PCDHA3: variants seen among roughly 807,000 people sequenced by gnomAD.
The protein encoded by PCDHA3 is protocadherin alpha 3, also known as protocadherin alpha-3.
Under a neutral mutation model 62.2 loss-of-function variants are expected in PCDHA3, and 41 were observed. That is an observed-to-expected ratio of 0.66 (90% confidence interval 0.51 to 0.86). PCDHA3 has a LOEUF of 0.86. Ranked by LOEUF, PCDHA3 falls within the 40% of genes least tolerant of loss-of-function variation. PCDHA3 has a pLI of 0.00. For missense variants in PCDHA3, 1,304 were observed against 1,241.2 expected (o/e 1.05, Z -0.76); for synonymous variants, 640 against 555.4 (o/e 1.15, Z -2.14).
chr5:140,811,691 T>A (rs1554125796), intron 1 of PCDHA3: 1 of 152,228 alleles, frequency 6.6e-6, no homozygotes, highest in East Asian at 1.9e-4. Context: ...TGATTGCCAT[T>A]CTAACTGGTG....
chr5:140,940,903 A>T (rs1177865937), intron 1 of PCDHA3, among the ~76,000 whole-genome samples: 1 of 152,242 alleles, frequency 6.6e-6, no homozygotes, highest in Admixed American at 6.5e-5. Context: ...CTTTAAATCA[A>T]GTTCAAGACT....
At chr5:140,851,402 T>C (rs2042052947) in intron 1 of PCDHA3, 2 of 969,750 alleles carry the variant, frequency 2.1e-6, no homozygotes. Flanking sequence ...ATTATTTTAA[T>C]AAGAAAGAAA....
At chr5:140,985,062 T>C (rs2097134097) in intron 3 of PCDHA3, among the ~76,000 whole-genome samples, 1 of 152,058 alleles carries the variant, frequency 6.6e-6, no homozygotes, top group African/African-American at 2.4e-5. Flanking sequence ...CTCAGCCTCC[T>C]GAGTAGCTGA....
intron 1 of PCDHA3, chr5:140,967,346 G>C (rs1332345482): frequency 6.2e-7 from 1 of 1,607,970 alleles, no homozygotes; most frequent in Non-Finnish European, 8.5e-7. Context: ...CGAGCACTTC[G>C]AGCTGGACCT....
At chr5:140,830,481 C>T in intron 1 of PCDHA3, 1 of 1,505,882 alleles carries the variant, frequency 6.6e-7, no homozygotes, top group Non-Finnish European at 8.9e-7. Context: ...GATCATGATG[C>T]CAAAGTAAGT....
chr5:140,977,077 C>A (rs1303374839), intron 1 of PCDHA3, among the ~76,000 whole-genome samples: 1 of 152,138 alleles, frequency 6.6e-6, no homozygotes, highest in Non-Finnish European at 1.5e-5. Context: ...AGCAGCATGA[C>A]AAATTAAATG....
At chr5:140,899,545 G>A (rs2067400002) in intron 1 of PCDHA3, among the ~76,000 whole-genome samples, 1 of 152,158 alleles carries the variant, frequency 6.6e-6, no homozygotes, top group African/African-American at 2.4e-5. Context: ...TGATCATGGT[G>A]GATAAGCTTT....
chr5:140,828,197 C>A, intron 1 of PCDHA3: 1 of 1,614,076 alleles, frequency 6.2e-7, no homozygotes, highest in Non-Finnish European at 8.5e-7. Context: ...CTACTCCGTA[C>A]CCGAGGAGGC....
chr5:140,994,784 A>G (rs1245945274), intron 3 of PCDHA3, among the ~76,000 whole-genome samples: 2 of 152,202 alleles, frequency 1.3e-5, no homozygotes, highest in Non-Finnish European at 2.9e-5. Flanking sequence ...CAAAGGAAAC[A>G]ATGCGTGCAT....
At chr5:140,803,750 T>G (rs1211633329) in intron 1 of PCDHA3, 159 bp downstream of exon 1, 3 of 1,306,342 alleles carry the variant, frequency 2.3e-6, no homozygotes, top group South Asian at 3.0e-5. Context: ...GTAAGATTTT[T>G]GTTGCTAATT....
Position 140,850,830 on chromosome 5 carries a change from T to C in PCDHA3, c.2394+47239T>C. On this transcript the variant is annotated intron_variant, in intron 1 of 3. Coordinates refer to ENST00000522353, the MANE Select transcript of PCDHA3 (RefSeq NM_018906.3). ...GGCCTTCAGCCCGGGCCTTTCTCCTTGTGCTGGATCTACAGAGCGAACGGG... is the reference window on the plus strand; with the variant it reads ...GGCCTTCAGCCCGGGCCTTTCTCCTCGTGCTGGATCTACAGAGCGAACGGG... 1.9e-6 allele frequency: 3 copies of C among 1,598,162 alleles called. 1 individual carries two copies. The highest frequency in any genetic ancestry group is 2.6e-6 in the Non-Finnish European group (3 of 1,167,540).
intron 2 of PCDHA3, among the ~76,000 whole-genome samples, chr5:140,981,738 A>C: frequency 6.6e-6 from 1 of 152,114 alleles, no homozygotes. Flanking sequence ...TGAGAGATTA[A>C]TATGAGTTAG....
intron 1 of PCDHA3, among the ~76,000 whole-genome samples, chr5:140,971,942 C>A (rs2153791969): frequency 6.6e-6 from 1 of 152,140 alleles, no homozygotes; most frequent in Middle Eastern, 3.4e-3. Flanking sequence ...AAGTTGTATC[C>A]ATCTGACTCC....
chr5:140,849,867 TC>T, intron 1 of PCDHA3: 1 of 1,598,534 alleles, frequency 6.3e-7, no homozygotes, highest in Non-Finnish European at 8.6e-7. Flanking sequence ...GTTCGCGCAG[TC>T]CGAGTACACG....
At chr5:140,812,825 A>G (rs1312909388) in intron 1 of PCDHA3, 1 of 152,016 alleles carries the variant, frequency 6.6e-6, no homozygotes, top group Non-Finnish European at 1.5e-5. Flanking sequence ...TTGTGTTTTC[A>G]TTTTTGTTTA....
rs1372616794 is a variant in PCDHA3, at chr5:140,801,599, A to G, written c.402A>G (p.Pro134=). 2 of 1,614,042 alleles carry G rather than the reference A, an allele frequency of 1.2e-6. No homozygotes were observed. Among genetic ancestry groups the G allele is most frequent in the African/African-American group, 2.7e-5 (2 of 74,914 alleles). The change falls in exon 1 of 4, where the codon CCA becomes CCG. Residue 134 remains proline, a synonymous_variant. Transcript: ENST00000522353. ...TTAATGACAACGCGCCAGTTTTTCC[A>G]ATGGCTGTAAAGAATCTGTTTATTT... ...KDINDNAPVF[P]MAVKNLFISE...
chr5:140,938,926 T>C (rs149516801), intron 1 of PCDHA3, among the ~76,000 whole-genome samples: 9 of 152,172 alleles, frequency 5.9e-5, no homozygotes, highest in Non-Finnish European at 1.2e-4. Context: ...AGAAATTGGC[T>C]TTTAACTTTC....
intron 1 of PCDHA3, chr5:140,812,933 A>G (rs1476757197): frequency 6.6e-6 from 1 of 152,170 alleles, no homozygotes; most frequent in African/African-American, 2.4e-5. Flanking sequence ...TAATTTCTAC[A>G]TATTTGCAGA....
At chr5:140,911,564 C>A (rs1036102678) in intron 1 of PCDHA3, among the ~76,000 whole-genome samples, 2 of 152,226 alleles carry the variant, frequency 1.3e-5, no homozygotes, top group African/African-American at 4.8e-5. Flanking sequence ...TCTTTCATCA[C>A]TTTGTCCAGT....
Sources: gnomAD v4.1 joint callset for allele counts (sites outside exome capture counted in the v4.1 genomes callset) on GRCh38, gnomAD v4.1.1 for gene constraint, MANE v1.5 for transcripts, NCBI Gene and HGNC (gene_info 2026-07-23, HGNC 2026-07-21) for gene names.